The following TRPM3 variants were observed in gnomAD, a reference collection of about 807,000 sequenced individuals.
TRPM3 encodes transient receptor potential cation channel subfamily M member 3, also known as long transient receptor potential channel 3.
In TRPM3, 77 loss-of-function variants were observed where a neutral mutation model predicts 181.2. The observed-to-expected ratio is 0.42, with a 90% CI of 0.35 to 0.51. The LOEUF is 0.51. Among genes scored for constraint, TRPM3 ranks in the 20% least tolerant of loss-of-function variants. The pLI, the probability that TRPM3 is intolerant of heterozygous loss-of-function variation, is 0.01. For synonymous variants in TRPM3, 745 were observed against 796.4 expected (o/e 0.94, Z 1.09); for missense variants, 1,759 against 2,196.7 (o/e 0.80, Z 3.98).
intron 1 of TRPM3, among the ~76,000 whole-genome samples, chr9:71,031,402 A>T (rs2057286815): frequency 6.6e-6 from 1 of 152,188 alleles, no homozygotes; most frequent in Non-Finnish European, 1.5e-5. Flanking sequence ...TTTTCTAAGC[A>T]TCAACTTCTT....
intron 8 of TRPM3, among the ~76,000 whole-genome samples, chr9:70,740,970 A>C (rs1213211164): frequency 1.3e-5 from 2 of 152,262 alleles, no homozygotes; most frequent in Admixed American, 1.3e-4. Context: ...GATGGGACTT[A>C]AACTAAAAAG....
chr9:71,221,831 A>T (rs1367014268), intron 1 of TRPM3, among the ~76,000 whole-genome samples: 2 of 152,202 alleles, frequency 1.3e-5, no homozygotes, highest in Non-Finnish European at 2.9e-5. Flanking sequence ...AAGAGTAGGA[A>T]ATTTAGAACA....
chr9:71,325,743 C>T (rs2089633909), intron 1 of TRPM3, among the ~76,000 whole-genome samples: 1 of 151,940 alleles, frequency 6.6e-6, no homozygotes, highest in Non-Finnish European at 1.5e-5. Flanking sequence ...CCCTCTCATT[C>T]ACACCCACCC....
At position 70,536,940 on chromosome 9, in the gene TRPM3, A is replaced by T; in HGVS notation, c.4173T>A (p.Ala1391=). 1 of 1,614,074 alleles carries T rather than the reference A, an allele frequency of 6.2e-7. No individual in the cohort carries two copies. The highest frequency in any genetic ancestry group is 8.5e-7 in the Non-Finnish European group (1 of 1,179,966). The change falls in exon 26 of 26, where the codon GCT becomes GCA. Residue 1391 remains alanine, a synonymous_variant. Coordinates refer to ENST00000677713, the MANE Select transcript of TRPM3 (RefSeq NM_001366145.2). ...CCAAGGTGTTGGCAGGGGCTGCAGG[A>T]GCTTTGGGTTCTTTTGCTACAGAGT... ...SSHSVAKEPK[A]PAAPANTLAI...
chr9:71,251,981 T>A (rs1329956045), intron 1 of TRPM3, among the ~76,000 whole-genome samples: 2 of 152,180 alleles, frequency 1.3e-5, no homozygotes, highest in Admixed American at 1.3e-4. Context: ...CTGGCTTATT[T>A]CACTTAATAT....
chr9:70,644,025 G>A (rs889958640), intron 9 of TRPM3, among the ~76,000 whole-genome samples: 2 of 152,180 alleles, frequency 1.3e-5, no homozygotes, highest in African/African-American at 4.8e-5. Context: ...GAGAAGAGAA[G>A]TCTGTAATTA....
intron 8 of TRPM3, among the ~76,000 whole-genome samples, chr9:70,691,712 CTTTT>C (rs2068622196): frequency 6.6e-6 from 1 of 152,146 alleles, no homozygotes; most frequent in African/African-American, 2.4e-5. Flanking sequence ...AAAATCATTT[CTTTT>C]TTCTTATTAT....
At chr9:70,630,510 G>A (rs1485649435) in intron 12 of TRPM3, among the ~76,000 whole-genome samples, 1 of 152,200 alleles carries the variant, frequency 6.6e-6, no homozygotes, top group Non-Finnish European at 1.5e-5. Flanking sequence ...AAGCAGAGAA[G>A]GTGAGCAGTA....
intron 1 of TRPM3, among the ~76,000 whole-genome samples, chr9:71,163,116 C>A (rs941284378): frequency 6.6e-6 from 1 of 152,030 alleles, no homozygotes; most frequent in East Asian, 1.9e-4. Context: ...TTGAAGGGAG[C>A]GGACATCTAA....
chr9:71,197,959 T>C (rs1439505032), intron 1 of TRPM3, among the ~76,000 whole-genome samples: 1 of 151,482 alleles, frequency 6.6e-6, no homozygotes, highest in Non-Finnish European at 1.5e-5. Flanking sequence ...GCCTATGTCC[T>C]GAATGGTAAT....
At chr9:71,205,718 C>A (rs2079083306) in intron 1 of TRPM3, among the ~76,000 whole-genome samples, 1 of 152,178 alleles carries the variant, frequency 6.6e-6, no homozygotes, top group African/African-American at 2.4e-5. Context: ...AGTAATTACT[C>A]ATTCTTCCCA....
intron 1 of TRPM3, among the ~76,000 whole-genome samples, chr9:71,386,011 T>C (rs2092914962): frequency 6.6e-6 from 1 of 151,758 alleles, no homozygotes; most frequent in African/African-American, 2.4e-5. Context: ...CTGCTGAGTC[T>C]TAGAAGATTT....
chr9:71,006,127 TATAATC>T (rs2097670712), intron 1 of TRPM3, among the ~76,000 whole-genome samples: 1 of 152,192 alleles, frequency 6.6e-6, no homozygotes, highest in Admixed American at 6.5e-5. Context: ...AATAACCTGT[TATAATC>T]ATAAGATGTT....
chr9:70,979,512 C>A (rs1446396810), intron 1 of TRPM3, among the ~76,000 whole-genome samples: 8 of 152,164 alleles, frequency 5.3e-5, no homozygotes, highest in Admixed American at 3.3e-4. Flanking sequence ...AAAGAAACAG[C>A]AGAATTTACT....
intron 9 of TRPM3, among the ~76,000 whole-genome samples, chr9:70,672,000 C>T (rs2063048959): frequency 6.6e-6 from 1 of 151,012 alleles, no homozygotes; most frequent in African/African-American, 2.4e-5. Flanking sequence ...GAACTCCTGA[C>T]CTCAAATGAT....
intron 1 of TRPM3, among the ~76,000 whole-genome samples, chr9:71,412,127 C>A (rs58142470): frequency 0.031 from 4,690 of 152,216 alleles, 241 homozygotes; most frequent in African/African-American, 0.11. Flanking sequence ...AAATGTTAGA[C>A]CTAAAACCAT....
chr9:70,584,672 G>C (rs565801056), intron 22 of TRPM3, among the ~76,000 whole-genome samples: 1 of 152,314 alleles, frequency 6.6e-6, no homozygotes, highest in South Asian at 2.1e-4. Flanking sequence ...AGGACCTTTA[G>C]TCAATGTAAT....
chr9:71,028,671 C>G (rs527436816), intron 1 of TRPM3, among the ~76,000 whole-genome samples: 2 of 147,294 alleles, frequency 1.4e-5, no homozygotes, highest in South Asian at 4.4e-4. Context: ...TTACTTCAGA[C>G]AAAACAGACT....
chr9:70,894,814 T>C (rs1270136449), intron 1 of TRPM3, among the ~76,000 whole-genome samples: 2 of 152,186 alleles, frequency 1.3e-5, no homozygotes, highest in East Asian at 3.9e-4. Context: ...ATATACCTTC[T>C]TGAGGATCTG....
Sources: allele counts gnomAD v4.1 joint callset (sites outside exome capture counted in the v4.1 genomes callset), GRCh38; gene constraint gnomAD v4.1.1; transcripts MANE v1.5; gene names NCBI Gene and HGNC (gene_info 2026-07-23, HGNC 2026-07-21).